IL1RAPL2: variants seen among roughly 807,000 people sequenced by gnomAD.
IL1RAPL2 encodes interleukin 1 receptor accessory protein like 2.
A neutral mutation model predicts 44.1 loss-of-function variants in IL1RAPL2; 3 were observed. That is an observed-to-expected ratio of 0.07 (90% CI 0.03 to 0.18). The LOEUF (loss-of-function observed/expected upper bound fraction) is 0.18. Ranked by LOEUF, IL1RAPL2 falls within the 10% of genes least tolerant of loss-of-function variation. The pLI, the probability that IL1RAPL2 is intolerant of heterozygous loss-of-function variation, is 1.00. For synonymous variants in IL1RAPL2, 181 were observed against 178.8 expected, an observed-to-expected ratio of 1.01 and a Z score of -0.10; for missense variants, 391 against 496.4, an observed-to-expected ratio of 0.79 and a Z score of 2.02.
At chrX:105,742,077 A>G (rs899029673) in intron 8 of IL1RAPL2, among the ~76,000 whole-genome samples, 3 of 111,458 alleles carry the variant, frequency 2.7e-5, no homozygotes, top group African/African-American at 6.5e-5. Context: ...AGATCCTCCA[A>G]TCAGAGCCTG....
chrX:105,174,899 G>A (rs370998786), intron 2 of IL1RAPL2, among the ~76,000 whole-genome samples: 2 of 111,752 alleles, frequency 1.8e-5, no homozygotes, highest in African/African-American at 6.5e-5. Flanking sequence ...TAAAATACTA[G>A]TTATGTGTGA....
intron 2 of IL1RAPL2, among the ~76,000 whole-genome samples, chrX:105,075,765 T>A (rs1168427376): frequency 8.9e-6 from 1 of 111,959 alleles, no homozygotes; most frequent in African/African-American, 3.2e-5. Context: ...CCTGGTTTAG[T>A]CTTGGGAGAG....
At chrX:105,586,860 T>C (rs1485490376) in intron 6 of IL1RAPL2, among the ~76,000 whole-genome samples, 1 of 112,372 alleles carries the variant, frequency 8.9e-6, no homozygotes, top group African/African-American at 3.2e-5. Context: ...TCTCTGGTAT[T>C]TAAATAAAAA....
chrX:104,920,026 A>T (rs1292784438), intron 2 of IL1RAPL2, among the ~76,000 whole-genome samples: 1 of 111,588 alleles, frequency 9.0e-6, no homozygotes, highest in Admixed American at 9.5e-5. Flanking sequence ...TTGTCTACAC[A>T]ACTCAGAAGT....
intron 6 of IL1RAPL2, among the ~76,000 whole-genome samples, chrX:105,636,445 G>A (rs903447348): frequency 1.8e-5 from 2 of 111,612 alleles, no homozygotes; most frequent in African/African-American, 6.5e-5. Flanking sequence ...ATTAGATAAT[G>A]ATATAATAAA....
At chrX:104,605,695 A>T (rs1928993310) in intron 1 of IL1RAPL2, among the ~76,000 whole-genome samples, 1 of 112,415 alleles carries the variant, frequency 8.9e-6, no homozygotes, top group South Asian at 3.7e-4. Flanking sequence ...AAACACCTCT[A>T]TGCAAATAAA....
At chrX:104,897,273 TAGG>T (rs1923681661) in intron 2 of IL1RAPL2, among the ~76,000 whole-genome samples, 1 of 112,055 alleles carries the variant, frequency 8.9e-6, no homozygotes, top group Non-Finnish European at 1.9e-5. Context: ...GAGCCTAAAA[TAGG>T]AGGAATGGCT....
At chrX:105,068,689 A>G (rs2032168389) in intron 2 of IL1RAPL2, among the ~76,000 whole-genome samples, 1 of 111,725 alleles carries the variant, frequency 9.0e-6, no homozygotes, top group South Asian at 3.8e-4. Context: ...GTCGGGTAGC[A>G]TCATGCTCAG....
rs751273164 is a variant in IL1RAPL2 at position 105,032,880 on chromosome X, T to TC, written c.83-162595_83-162594insC. 7.6e-3 allele frequency among the ~76,000 whole-genome samples: 850 copies of TC among 111,695 alleles called. 14 individuals are homozygous for TC. The highest frequency in any genetic ancestry group is 0.027 in the African/African-American group (813 of 30,676). On this transcript the variant is annotated intron_variant, in intron 2 of 10. Coordinates refer to ENST00000372582, the MANE Select transcript of IL1RAPL2 (RefSeq NM_017416.2). ...GAGTCTAAGTCTCTTTGTAGGTCAC[T>TC]AAGGACTTGCTTTATGAATCTGGGT... is the stretch of plus-strand genomic sequence containing the variant.
At position 104,983,536 on chromosome X, in the gene IL1RAPL2, TATA is replaced by T. The variant is rs1274484950; in HGVS notation, c.83-211935_83-211933del. On this transcript the variant is annotated intron_variant, in intron 2 of 10. Coordinates refer to ENST00000372582, the MANE Select transcript of IL1RAPL2 (RefSeq NM_017416.2). ...ATATTATATTAGATACATAATATTA[TATA>T]ATATTATATTATAGACATATTATAT... Among the ~76,000 whole-genome samples, 67 of 98,720 alleles carry T rather than the reference TATA, an allele frequency of 6.8e-4. 1 individual carries two copies. In the Admixed American group the frequency reaches 7.5e-3, roughly 11 times the overall value. 85.7% of individuals were successfully genotyped at this position (98,720 alleles called of 115,157 possible).
At chrX:105,348,371 A>G (rs545952315) in intron 5 of IL1RAPL2, among the ~76,000 whole-genome samples, 3 of 111,142 alleles carry the variant, frequency 2.7e-5, no homozygotes, top group African/African-American at 9.8e-5. Context: ...TAACCTCTCC[A>G]TTTTCCTCCA....
intron 6 of IL1RAPL2, among the ~76,000 whole-genome samples, chrX:105,540,823 T>C (rs2036718678): frequency 1.0e-5 from 1 of 99,316 alleles, no homozygotes. Context: ...TATATACATA[T>C]ATTATATATG....
intron 2 of IL1RAPL2, among the ~76,000 whole-genome samples, chrX:104,668,244 C>T (rs73635155): frequency 5.4e-5 from 6 of 110,688 alleles, no homozygotes; most frequent in Non-Finnish European, 1.1e-4. Context: ...TTGGTTAAGG[C>T]GCTTTAGATT....
chrX:104,658,751 C>T (rs1390184302), intron 1 of IL1RAPL2, 144 bp from the exon 2 acceptor site: 5 of 426,713 alleles, frequency 1.2e-5, no homozygotes, highest in Non-Finnish European at 2.0e-5. Flanking sequence ...ATGTTTTCTT[C>T]TATTTGCAAA....
intron 2 of IL1RAPL2, among the ~76,000 whole-genome samples, chrX:104,785,917 T>C (rs1158041006): frequency 8.9e-6 from 1 of 112,111 alleles, no homozygotes; most frequent in Non-Finnish European, 1.9e-5. Flanking sequence ...TATGAGGCCC[T>C]GACTGGCTTA....
At chrX:104,782,500 A>G (rs1932779871) in intron 2 of IL1RAPL2, among the ~76,000 whole-genome samples, 1 of 111,841 alleles carries the variant, frequency 8.9e-6, no homozygotes, top group Admixed American at 9.5e-5. Flanking sequence ...AGTTAGGTTT[A>G]GGGGACATTT....
chrX:104,641,374 A>G (rs1385880405), intron 1 of IL1RAPL2, among the ~76,000 whole-genome samples: 1 of 110,862 alleles, frequency 9.0e-6, no homozygotes, highest in Non-Finnish European at 1.9e-5. Context: ...TAATGGTGAG[A>G]GATGGTACCA....
intron 2 of IL1RAPL2, among the ~76,000 whole-genome samples, chrX:105,067,795 G>A (rs28647736): frequency 0.023 from 2,599 of 110,834 alleles, 63 homozygotes; most frequent in African/African-American, 0.082. Context: ...GCACACACAC[G>A]CGCGCATGCA....
At chrX:104,573,056 C>T (rs374576545) in intron 1 of IL1RAPL2, among the ~76,000 whole-genome samples, 1 of 112,030 alleles carries the variant, frequency 8.9e-6, no homozygotes, top group East Asian at 2.8e-4. Flanking sequence ...TGCAGAGTGC[C>T]AAGGGTATAG....
Sources: allele counts gnomAD v4.1 joint callset (sites outside exome capture counted in the v4.1 genomes callset), GRCh38; gene constraint gnomAD v4.1.1; transcripts MANE v1.5; gene names NCBI Gene and HGNC (gene_info 2026-07-23, HGNC 2026-07-21).